The following COMMD10 variants were observed in gnomAD, a reference collection of about 807,000 sequenced individuals.
The protein encoded by COMMD10 is COMM domain containing 10.
Under a neutral mutation model 28.9 loss-of-function variants are expected in COMMD10, and 33 were observed. That is an observed-to-expected ratio of 1.14 (90% CI 0.87 to 1.53). COMMD10 has a LOEUF of 1.53. Ranked by LOEUF, COMMD10 falls within the 40% of genes most tolerant of loss-of-function variation. The pLI is 0.00. For synonymous variants in COMMD10, 110 were observed against 81.7 expected, an observed-to-expected ratio of 1.35 and a Z score of -1.87; for missense variants, 310 against 233.4, an observed-to-expected ratio of 1.33 and a Z score of -2.14.
intron 5 of COMMD10, among the ~76,000 whole-genome samples, chr5:116,162,888 A>G (rs1301916558): frequency 6.6e-6 from 1 of 151,998 alleles, no homozygotes; most frequent in Non-Finnish European, 1.5e-5. Context: ...AAAAATTATC[A>G]GATATTCAGA....
At chr5:116,271,086 G>T (rs1750740594) in intron 5 of COMMD10, among the ~76,000 whole-genome samples, 1 of 151,218 alleles carries the variant, frequency 6.6e-6, no homozygotes, top group Admixed American at 6.6e-5. Context: ...TCCCCTTAAA[G>T]GCTTGGGAGA....
intron 5 of COMMD10, among the ~76,000 whole-genome samples, chr5:116,172,347 C>A (rs566602685): frequency 6.6e-6 from 1 of 151,940 alleles, no homozygotes; most frequent in African/African-American, 2.4e-5. Context: ...ACAGAGGGAG[C>A]GAGTGATTAT....
intron 5 of COMMD10, among the ~76,000 whole-genome samples, chr5:116,275,205 C>G (rs933612740): frequency 6.6e-6 from 1 of 151,774 alleles, no homozygotes; most frequent in Non-Finnish European, 1.5e-5. Flanking sequence ...GGATGTACCT[C>G]CAAAATAGCT....
chr5:116,241,802 A>G lies in COMMD10; in HGVS notation c.511-49715A>G, dbSNP rs111504999. On this transcript the variant is annotated intron_variant, in intron 5 of 6. Transcript: ENST00000274458. Reference sequence around the variant, plus strand: ...TAATTTTTTGTATTTTCTTTTTAGTAGAGACGGGATTTCACCATGTTAGCC... The same window carrying G: ...TAATTTTTTGTATTTTCTTTTTAGTGGAGACGGGATTTCACCATGTTAGCC... Among the ~76,000 whole-genome samples, 1,417 of 151,450 alleles carry G rather than the reference A, an allele frequency of 9.4e-3. 26 individuals carry two copies. The highest frequency in any genetic ancestry group is 0.032 in the African/African-American group (1,320 of 41,244).
chr5:116,254,225 T>G (rs1219925579), intron 5 of COMMD10, among the ~76,000 whole-genome samples: 1 of 152,180 alleles, frequency 6.6e-6, no homozygotes, highest in Non-Finnish European at 1.5e-5. Context: ...TCTATCAATT[T>G]TGTTGATCCT....
intron 4 of COMMD10, among the ~76,000 whole-genome samples, chr5:116,116,861 A>T (rs1316047492): frequency 6.6e-6 from 1 of 152,174 alleles, no homozygotes; most frequent in Non-Finnish European, 1.5e-5. Flanking sequence ...AGAGATTTTA[A>T]TTTAATTGTT....
At chr5:116,120,407 G>T (rs1751390745) in intron 4 of COMMD10, among the ~76,000 whole-genome samples, 1 of 152,062 alleles carries the variant, frequency 6.6e-6, no homozygotes, top group Non-Finnish European at 1.5e-5. Flanking sequence ...AGTGTACACT[G>T]CTTCGGTGAC....
At chr5:116,214,373 T>G (rs963279855) in intron 5 of COMMD10, among the ~76,000 whole-genome samples, 46 of 152,204 alleles carry the variant, frequency 3.0e-4, no homozygotes, top group African/African-American at 1.1e-3. Flanking sequence ...AAATTAAATT[T>G]TTTAAAACAA....
intron 4 of COMMD10, among the ~76,000 whole-genome samples, chr5:116,114,637 C>A (rs187306728): frequency 6.6e-6 from 1 of 152,164 alleles, no homozygotes; most frequent in East Asian, 1.9e-4. Context: ...TGGGCTTGTC[C>A]TATGAAATGC....
intron 5 of COMMD10, among the ~76,000 whole-genome samples, chr5:116,179,325 C>T (rs1747865050): frequency 6.6e-6 from 1 of 152,016 alleles, no homozygotes; most frequent in South Asian, 2.1e-4. Flanking sequence ...GACGAGGAAA[C>T]AAAAGTCTGG....
chr5:116,120,051 C>T (rs913971764), intron 4 of COMMD10, among the ~76,000 whole-genome samples: 4 of 152,020 alleles, frequency 2.6e-5, no homozygotes, highest in African/African-American at 4.8e-5. Context: ...AGATACAGAG[C>T]ATTATGTTTA....
At chr5:116,131,402 T>A (rs1450239880) in intron 4 of COMMD10, among the ~76,000 whole-genome samples, 1 of 151,910 alleles carries the variant, frequency 6.6e-6, no homozygotes, top group Non-Finnish European at 1.5e-5. Flanking sequence ...TGTGTGTGTA[T>A]GTGTGTATGT....
rs78136509 is a variant in COMMD10, at chr5:116,157,593, T to C, written c.510+23415T>C. ...CAGGCACACCGTTATTTTCATCATA[T>C]TCTGTTGGCCAAAGGAATTTGAAAG... is the stretch of plus-strand genomic sequence containing the variant. On this transcript the variant is annotated intron_variant, in intron 5 of 6. Transcript: ENST00000274458. 7.2e-3 allele frequency among the ~76,000 whole-genome samples: 1,103 copies of C among 152,272 alleles called. 14 individuals carry two copies. Among genetic ancestry groups the C allele is most frequent in the African/African-American group, 0.025 (1,025 of 41,544 alleles).
chr5:116,163,688 A>C (rs970730846), intron 5 of COMMD10, among the ~76,000 whole-genome samples: 1 of 152,212 alleles, frequency 6.6e-6, no homozygotes, highest in Non-Finnish European at 1.5e-5. Flanking sequence ...GGTTAATTTT[A>C]TGGTATGGCA....
chr5:116,144,070 A>T (rs1752271395), intron 5 of COMMD10, among the ~76,000 whole-genome samples: 1 of 151,864 alleles, frequency 6.6e-6, no homozygotes, highest in African/African-American at 2.4e-5. Flanking sequence ...GGTACCTGAG[A>T]TATCCAGGTG....
intron 4 of COMMD10, among the ~76,000 whole-genome samples, chr5:116,109,488 G>A (rs552317518): frequency 9.9e-5 from 15 of 152,278 alleles, no homozygotes; most frequent in Middle Eastern, 3.4e-3. Context: ...CAGCTACTTG[G>A]GAGGCTGAGG....
In COMMD10 at chr5:116,199,132, T is replaced by A. The variant is rs1748601045; in HGVS notation, c.510+64954T>A. Among the ~76,000 whole-genome samples, 6 of 152,290 alleles carry A rather than the reference T, an allele frequency of 3.9e-5. No homozygotes were observed. The South Asian group carries it at 1.2e-3, about 32-fold the overall frequency. On this transcript the variant is annotated intron_variant, in intron 5 of 6. Coordinates refer to ENST00000274458, the MANE Select transcript of COMMD10 (RefSeq NM_016144.4). The stretch of plus-strand genomic sequence containing the variant: ...CCTCACCATCATTTGGTGGTGTCAG[T>A]GTTCTAGATTTTGGCCATTTTAGTA...
intron 5 of COMMD10, among the ~76,000 whole-genome samples, chr5:116,189,278 A>G (rs2112609155): frequency 6.6e-6 from 1 of 152,090 alleles, no homozygotes; most frequent in Non-Finnish European, 1.5e-5. Context: ...TTATTCTTCT[A>G]GTGGTTTCCA....
rs374637574 is a variant in COMMD10 at position 116,276,464 on chromosome 5, G to T, written c.511-15053G>T. On this transcript the variant is annotated intron_variant, in intron 5 of 6. Coordinates refer to ENST00000274458, the MANE Select transcript of COMMD10 (RefSeq NM_016144.4). Reference sequence around the variant, plus strand: ...TTTGCCAGGTTGGTCTCAAATTCCTGACCTCAGGTGATCCACCCACCTCAG... The same window carrying T: ...TTTGCCAGGTTGGTCTCAAATTCCTTACCTCAGGTGATCCACCCACCTCAG... 4.0e-5 allele frequency among the ~76,000 whole-genome samples: 6 copies of T among 151,634 alleles called. 1 individual carries two copies. The highest frequency in any genetic ancestry group is 5.9e-5 in the Non-Finnish European group (4 of 67,976).
Sources: allele counts gnomAD v4.1 joint callset (sites outside exome capture counted in the v4.1 genomes callset), GRCh38; gene constraint gnomAD v4.1.1; transcripts MANE v1.5; gene names NCBI Gene and HGNC (gene_info 2026-07-23, HGNC 2026-07-21).